Variants in GRIK1 observed in about 807,000 individuals in gnomAD.
GRIK1 encodes glutamate receptor ionotropic, kainate 1.
Under a neutral mutation model 105.7 loss-of-function variants are expected in GRIK1, and 69 were observed. The observed-to-expected ratio is 0.65, with a 90% CI of 0.54 to 0.80. The LOEUF is 0.80. Among genes scored for constraint, GRIK1 ranks in the 30% least tolerant of loss-of-function variants. The probability of loss-of-function intolerance (pLI) is 0.00; values close to 1 mark genes in which losing one functional copy is unlikely to be tolerated. For missense variants in GRIK1, 1,109 were observed against 1,167.3 expected (o/e 0.95, Z 0.73); for synonymous variants, 438 against 431.3 (o/e 1.02, Z -0.19).
At chr21:29,867,929 AG>A (rs1245840945) in intron 1 of GRIK1, among the ~76,000 whole-genome samples, 1,999 of 125,464 alleles carry the variant, frequency 0.016, 61 homozygotes, top group African/African-American at 0.067. Context: ...AGAGAGAAAG[AG>A]AGAGAAAGAG....
At chr21:29,557,480 C>T (rs1300505001) in intron 15 of GRIK1, among the ~76,000 whole-genome samples, 1 of 152,136 alleles carries the variant, frequency 6.6e-6, no homozygotes, top group East Asian at 1.9e-4. Flanking sequence ...CGACAGTGTT[C>T]CCAACCATTA....
In GRIK1 at chr21:29,659,933, G is replaced by T. The variant is rs184904287; in HGVS notation, c.727-5070C>A. The stretch of plus-strand genomic sequence containing the variant: ...GCCGAGATCAGGCCATTGCACTCCA[G>T]CCTGGGCAACAAGAGTGAAACTCTG... On this transcript the variant is annotated intron_variant, in intron 4 of 17. Coordinates refer to ENST00000327783, the MANE Select transcript of GRIK1 (RefSeq NM_001330994.2). Among the ~76,000 whole-genome samples, 293 of 152,228 alleles carry T rather than the reference G, an allele frequency of 1.9e-3. 1 individual carries two copies. The highest frequency in any genetic ancestry group is 1.2e-3 in the Non-Finnish European group (82 of 68,018).
At chr21:29,879,104 A>T (rs955968605) in intron 1 of GRIK1, among the ~76,000 whole-genome samples, 1 of 152,178 alleles carries the variant, frequency 6.6e-6, no homozygotes, top group Admixed American at 6.5e-5. Flanking sequence ...TCTGAGCAGG[A>T]GGGTCTAAGC....
chr21:29,560,561 T>TC (rs2090446707), intron 15 of GRIK1, among the ~76,000 whole-genome samples: 5 of 127,638 alleles, frequency 3.9e-5, no homozygotes, highest in East Asian at 2.1e-4. Flanking sequence ...TCTTTCTTTC[T>TC]TTCTTTCTTT....
At position 29,939,942 on chromosome 21, in the gene GRIK1, G is replaced by C. The variant is rs1230216815; in HGVS notation, c.-442C>G. 1 of 155,268 alleles carries C rather than the reference G, an allele frequency of 6.4e-6. No homozygotes were observed. The highest frequency in any genetic ancestry group is 1.4e-5 in the Non-Finnish European group (1 of 70,226). 9.6% of individuals were successfully genotyped at this position (155,268 alleles called of 1,614,324 possible). On this transcript the variant is annotated 5_prime_UTR_variant, in exon 1 of 18. Transcript: ENST00000327783. ...CTAACGAAGAAGGAGAGAGGGTACA[G>C]GGTGAGTTGGTGCAGGGGCTCTGAG...
chr21:29,900,515 CT>C (rs1480868268), intron 1 of GRIK1, among the ~76,000 whole-genome samples: 1 of 142,060 alleles, frequency 7.0e-6, no homozygotes, highest in Non-Finnish European at 1.5e-5. Flanking sequence ...ATAAAACAGA[CT>C]CTAAACCAAC....
intron 1 of GRIK1, among the ~76,000 whole-genome samples, chr21:29,780,773 T>C (rs2066075196): frequency 6.6e-6 from 1 of 152,220 alleles, no homozygotes; most frequent in African/African-American, 2.4e-5. Context: ...CTTTATAGTA[T>C]ATTTCAATAT....
intron 1 of GRIK1, among the ~76,000 whole-genome samples, chr21:29,920,888 G>A (rs978871927): frequency 3.3e-5 from 5 of 151,460 alleles, no homozygotes; most frequent in South Asian, 2.1e-4. Flanking sequence ...AAACACTAAC[G>A]TGGTATGTGG....
At chr21:29,782,166 A>G (rs1001319328) in intron 1 of GRIK1, among the ~76,000 whole-genome samples, 2 of 147,782 alleles carry the variant, frequency 1.4e-5, no homozygotes, top group African/African-American at 2.5e-5. Context: ...GGCTCACTGC[A>G]AGCTCTGCCT....
At chr21:29,792,100 T>C (rs974813477) in intron 1 of GRIK1, among the ~76,000 whole-genome samples, 39 of 152,200 alleles carry the variant, frequency 2.6e-4, no homozygotes, top group African/African-American at 9.4e-4. Context: ...GACTGTTATG[T>C]GTGTGTGTAT....
At chr21:29,614,676 G>T (rs59381370) in intron 7 of GRIK1, among the ~76,000 whole-genome samples, 8,536 of 151,284 alleles carry the variant, frequency 0.056, 513 homozygotes, top group Admixed American at 0.1. Flanking sequence ...GCCTCCCAAA[G>T]TGTTGGGATT....
At chr21:29,603,301 C>G (rs192762858) in intron 7 of GRIK1, among the ~76,000 whole-genome samples, 1 of 151,812 alleles carries the variant, frequency 6.6e-6, no homozygotes, top group Admixed American at 6.6e-5. Context: ...TCTAAGCTGT[C>G]TCGATGGCAA....
chr21:29,672,582 G>A (rs879484748), intron 4 of GRIK1, among the ~76,000 whole-genome samples: 1 of 152,142 alleles, frequency 6.6e-6, no homozygotes, highest in African/African-American at 2.4e-5. Context: ...TGACAAAAAG[G>A]TCTTGCCATG....
Position 29,598,800 on chromosome 21 carries a change from AT to A in GRIK1, c.1206+29del, listed in dbSNP as rs776674559. On this transcript the variant is annotated intron_variant, in intron 8 of 17. Transcript: ENST00000327783. The stretch of plus-strand genomic sequence containing the variant: ...AATGCCTGAACAATGTTCATTTGTT[AT>A]TTTATTTATTTATTGTTAAGGAGGT... The A allele has an allele frequency of 9.2e-6, 9 of 977,422 alleles. No individual in the cohort carries two copies. In the South Asian group the frequency reaches 1.2e-4, roughly 13 times the overall value. 60.5% of individuals were successfully genotyped at this position (977,422 alleles called of 1,614,324 possible). A position where few individuals can be genotyped will look rare whatever the true frequency, so the allele number is the denominator to read the frequency against.
At chr21:29,747,798 CAGCCTGGCGACAG>C (rs1470599212) in intron 1 of GRIK1, among the ~76,000 whole-genome samples, 1 of 152,180 alleles carries the variant, frequency 6.6e-6, no homozygotes, top group African/African-American at 2.4e-5. Context: ...CACTGCACTT[CAGCCTGGCGACAG>C]AGCATGACTC....
chr21:29,654,085 G>A (rs758828967), intron 5 of GRIK1, among the ~76,000 whole-genome samples: 1 of 152,138 alleles, frequency 6.6e-6, no homozygotes, highest in Non-Finnish European at 1.5e-5. Flanking sequence ...ATTAGAAAAC[G>A]AGCTTGATTC....
In GRIK1 at chr21:29,900,459, C is replaced by CAAAAAAAAAAAAAAAAAAAAAAAAAAAA. The variant is rs746842761; in HGVS notation, c.118+38923_118+38924insTTTTTTTTTTTTTTTTTTTTTTTTTTTT. Among the ~76,000 whole-genome samples, 19 of 78,296 alleles carry CAAAAAAAAAAAAAAAAAAAAAAAAAAAA rather than the reference C, an allele frequency of 2.4e-4. 1 individual carries two copies. Among genetic ancestry groups the CAAAAAAAAAAAAAAAAAAAAAAAAAAAA allele is most frequent in the African/African-American group, 4.1e-4 (8 of 19,666 alleles). 51.4% of individuals were successfully genotyped at this position (78,296 alleles called of 152,430 possible). A position where few individuals can be genotyped will look rare whatever the true frequency, so the allele number is the denominator to read the frequency against. On this transcript the variant is annotated intron_variant, in intron 1 of 17. Transcript: ENST00000327783. ...GAAGATCTACCAAACAAATGGAAAG[C>CAAAAAAAAAAAAAAAAAAAAAAAAAAAA]AAGAAAAAAAAAAAAAAAAAGCAAG... is the stretch of plus-strand genomic sequence containing the variant.
At chr21:29,861,879 G>C (rs1262880344) in intron 1 of GRIK1, among the ~76,000 whole-genome samples, 1 of 151,986 alleles carries the variant, frequency 6.6e-6, no homozygotes, top group East Asian at 1.9e-4. Context: ...TTTTGTTGGG[G>C]ATTTTTGCAT....
chr21:29,856,390 T>C (rs2073766896), intron 1 of GRIK1, among the ~76,000 whole-genome samples: 2 of 152,080 alleles, frequency 1.3e-5, no homozygotes, highest in South Asian at 2.1e-4. Flanking sequence ...TACAGAGAAA[T>C]GGCATGTGAC....
Sources: allele counts gnomAD v4.1 joint callset (sites outside exome capture counted in the v4.1 genomes callset), GRCh38; gene constraint gnomAD v4.1.1; transcripts MANE v1.5; gene names NCBI Gene and HGNC (gene_info 2026-07-23, HGNC 2026-07-21).